DNAJC15: variants seen among roughly 807,000 people sequenced by gnomAD.
DNAJC15 encodes dnaJ homolog subfamily C member 15.
DNAJC15 carries 27 observed loss-of-function variants against 22.4 expected under a neutral mutation model. That is an observed-to-expected ratio of 1.20 (90% CI 0.89 to 1.66). The LOEUF (loss-of-function observed/expected upper bound fraction) is 1.66, where lower values mean the gene tolerates loss of function less well. Ranked by LOEUF, DNAJC15 falls within the 40% of genes most tolerant of loss-of-function variation. The pLI is 0.00. For missense variants in DNAJC15, 208 were observed against 187.1 expected, an observed-to-expected ratio of 1.11 and a Z score of -0.65; for synonymous variants, 79 against 63.2, an observed-to-expected ratio of 1.25 and a Z score of -1.19.
At chr13:43,053,450 C>T (rs1423623787) in intron 1 of DNAJC15, among the ~76,000 whole-genome samples, 1 of 151,938 alleles carries the variant, frequency 6.6e-6, no homozygotes, top group Admixed American at 6.6e-5. Flanking sequence ...TGATGATGCT[C>T]GTATTTTGAT....
chr13:43,055,637 C>T (rs1457397858), intron 1 of DNAJC15, among the ~76,000 whole-genome samples: 1 of 152,190 alleles, frequency 6.6e-6, no homozygotes, highest in Non-Finnish European at 1.5e-5. Flanking sequence ...CTTGGTTAAT[C>T]TAAGGGTCTA....
intron 3 of DNAJC15, among the ~76,000 whole-genome samples, chr13:43,073,754 G>GT (rs2040619533): frequency 1.3e-5 from 2 of 151,908 alleles, no homozygotes; most frequent in South Asian, 4.1e-4. Context: ...TATTAAGGGT[G>GT]TTTTAAAATT....
chr13:43,098,792 G>C (rs1566217289), intron 5 of DNAJC15, among the ~76,000 whole-genome samples: 1 of 152,110 alleles, frequency 6.6e-6, no homozygotes, highest in African/African-American at 2.4e-5. Flanking sequence ...GATTACTGTT[G>C]CTTTGTAGTA....
chr13:43,094,870 T>C (rs1274746453), intron 5 of DNAJC15, among the ~76,000 whole-genome samples: 1 of 152,156 alleles, frequency 6.6e-6, no homozygotes, highest in Non-Finnish European at 1.5e-5. Context: ...AATCATCAAA[T>C]AATCTAAGGG....
chr13:43,090,882 G>C (rs763367399), intron 5 of DNAJC15, among the ~76,000 whole-genome samples: 3 of 150,586 alleles, frequency 2.0e-5, no homozygotes, highest in African/African-American at 7.3e-5. Context: ...TAATTTTTTT[G>C]TATTTTTAGT....
At chr13:43,080,292 T>A (rs997340270) in intron 4 of DNAJC15, among the ~76,000 whole-genome samples, 3 of 152,142 alleles carry the variant, frequency 2.0e-5, no homozygotes, top group African/African-American at 7.2e-5. Context: ...CTCCCACATG[T>A]AAGTGAGAAC....
At chr13:43,085,952 A>G (rs2040686382) in intron 5 of DNAJC15, 114 bp downstream of exon 5, 1 of 898,576 alleles carries the variant, frequency 1.1e-6, no homozygotes, top group Non-Finnish European at 1.7e-6. Context: ...CGCCACATGT[A>G]TTGTGATTTT....
intron 5 of DNAJC15, among the ~76,000 whole-genome samples, chr13:43,096,595 TGAA>T (rs1218087987): frequency 6.6e-6 from 1 of 152,212 alleles, no homozygotes; most frequent in East Asian, 1.9e-4. Flanking sequence ...CACTAGATAC[TGAA>T]GAAGATAACC....
rs1286856430 is a variant in DNAJC15 at position 43,071,419 on chromosome 13, G to C, written c.234+2416G>C. On this transcript the variant is annotated intron_variant, in intron 3 of 5. Coordinates refer to ENST00000379221, the MANE Select transcript of DNAJC15 (RefSeq NM_013238.3). ...ATAAATCTGGCTTCTTTTTCACAAAGTGCTACTCTTAAGAGTTTGCAGTAA... is the reference window on the plus strand; with the variant it reads ...ATAAATCTGGCTTCTTTTTCACAAACTGCTACTCTTAAGAGTTTGCAGTAA... Among the ~76,000 whole-genome samples the C allele has an allele frequency of 2.6e-5, 4 of 152,112 alleles. No individual in the cohort carries two copies. The East Asian group carries it at 7.7e-4, about 29-fold the overall frequency.
chr13:43,048,502 C>T (rs1424474888), intron 1 of DNAJC15, among the ~76,000 whole-genome samples: 1 of 152,102 alleles, frequency 6.6e-6, no homozygotes, highest in Non-Finnish European at 1.5e-5. Flanking sequence ...CAAAAATAAA[C>T]AAAAAACAAA....
intron 1 of DNAJC15, among the ~76,000 whole-genome samples, chr13:43,043,410 C>G (rs1390416492): frequency 6.6e-6 from 1 of 152,168 alleles, no homozygotes; most frequent in Non-Finnish European, 1.5e-5. Flanking sequence ...TGCCTGACCT[C>G]AAAAGCTTCT....
chr13:43,081,298 A>G (rs1398448319), intron 4 of DNAJC15, among the ~76,000 whole-genome samples: 1 of 152,202 alleles, frequency 6.6e-6, no homozygotes, highest in African/African-American at 2.4e-5. Flanking sequence ...AAATGACTAT[A>G]ATGAAACCAA....
chr13:43,065,722 G>C lies in DNAJC15; in HGVS notation c.145G>C (p.Ala49Pro), dbSNP rs760240266. The C allele has an allele frequency of 1.9e-6, 3 of 1,613,236 alleles. No homozygotes were observed. The highest frequency in any genetic ancestry group is 2.5e-6 in the Non-Finnish European group (3 of 1,179,670). The change falls in exon 2 of 6, where the codon GCT becomes CCT. Residue 49 changes from alanine (A) to proline (P), a missense_variant. Ala to Pro is a conservative substitution (Grantham distance 27, BLOSUM62 -1). Coordinates refer to ENST00000379221, the MANE Select transcript of DNAJC15 (RefSeq NM_013238.3). ...SLIAVGLGVA[A>P]LAFAGRYAFR... is the part of the protein sequence containing the mutation. Reference sequence around the variant, plus strand: ...GATAGCTGTAGGACTGGGTGTTGCAGCTCTTGCATTTGCAGGTAAGATAAA... The same window carrying C: ...GATAGCTGTAGGACTGGGTGTTGCACCTCTTGCATTTGCAGGTAAGATAAA...
At position 43,107,610 on chromosome 13, in the gene DNAJC15, C is replaced by T. The variant is rs145989947; in HGVS notation, c.*362C>T. 5.5e-4 allele frequency: 88 copies of T among 158,708 alleles called. No individual in the cohort carries two copies. In the East Asian group the frequency reaches 0.011, roughly 20 times the overall value. The allele number at this position is 158,708 out of a possible 1,614,324, so 9.8% of individuals were successfully genotyped here. ...TGGGATTTGTGAGCAATGAGTAGAC[C>T]TCTTATTGTTTATATTTGTACCCTC... On this transcript the variant is annotated 3_prime_UTR_variant, in exon 6 of 6. Coordinates refer to ENST00000379221, the MANE Select transcript of DNAJC15 (RefSeq NM_013238.3).
At chr13:43,044,660 C>T (rs760686152) in intron 1 of DNAJC15, among the ~76,000 whole-genome samples, 6 of 152,044 alleles carry the variant, frequency 3.9e-5, no homozygotes, top group Non-Finnish European at 8.8e-5. Context: ...TTACCTGGTC[C>T]AGGGTATTTT....
intron 1 of DNAJC15, among the ~76,000 whole-genome samples, chr13:43,034,666 A>G (rs907882487): frequency 6.6e-5 from 10 of 152,106 alleles, no homozygotes; most frequent in Non-Finnish European, 1.3e-4. Context: ...GTTTGGTTTC[A>G]TGGATAGTAA....
At chr13:43,069,752 T>C (rs1182401035) in intron 3 of DNAJC15, among the ~76,000 whole-genome samples, 4 of 152,178 alleles carry the variant, frequency 2.6e-5, no homozygotes, top group Admixed American at 2.6e-4. Context: ...ACCAAGTTGA[T>C]CATCCGCTAT....
chr13:43,108,781 C>A lies in DNAJC15; in HGVS notation c.*1533C>A, dbSNP rs980189354. The A allele has an allele frequency of 3.3e-5, 5 of 152,082 alleles. No individual in the cohort carries two copies. Among genetic ancestry groups the A allele is most frequent in the Non-Finnish European group, 5.9e-5 (4 of 68,024 alleles). The allele number at this position is 152,082 out of a possible 1,614,324, so 9.4% of individuals were successfully genotyped here. A position where few individuals can be genotyped will look rare whatever the true frequency, so the allele number is the denominator to read the frequency against. On this transcript the variant is annotated 3_prime_UTR_variant, in exon 6 of 6. Transcript: ENST00000379221. ...TGCCCTTTAGAGGACAGTAATCGCCCCCAGTTGAGAACCATTTCAGTAAAA... is the reference window on the plus strand; with the variant it reads ...TGCCCTTTAGAGGACAGTAATCGCCACCAGTTGAGAACCATTTCAGTAAAA...
chr13:43,031,890 A>G (rs1160140954), intron 1 of DNAJC15, among the ~76,000 whole-genome samples: 3 of 152,252 alleles, frequency 2.0e-5, no homozygotes, highest in East Asian at 1.9e-4. Context: ...CTTAAATAAT[A>G]TAAAACAAGG....
Sources: allele counts gnomAD v4.1 joint callset (sites outside exome capture counted in the v4.1 genomes callset), GRCh38; gene constraint gnomAD v4.1.1; transcripts MANE v1.5; gene names NCBI Gene and HGNC (gene_info 2026-07-23, HGNC 2026-07-21).